CRIM1: variants seen among roughly 807,000 people sequenced by gnomAD.
CRIM1 encodes the protein cysteine rich transmembrane BMP regulator 1.
CRIM1 carries 32 observed loss-of-function variants against 116.4 expected under a neutral mutation model. That is an observed-to-expected ratio of 0.27 (90% confidence interval 0.21 to 0.37). The LOEUF (loss-of-function observed/expected upper bound fraction) is 0.37, where lower values mean the gene tolerates loss of function less well. Ranked by LOEUF, CRIM1 falls within the 10% of genes least tolerant of loss-of-function variation. The pLI is 1.00. For missense variants in CRIM1, 1,331 were observed against 1,354.8 expected (o/e 0.98, Z 0.28); for synonymous variants, 590 against 509.2 (o/e 1.16, Z -2.13).
At chr2:36,386,200 G>C (rs887238492) in intron 1 of CRIM1, among the ~76,000 whole-genome samples, 5 of 152,140 alleles carry the variant, frequency 3.3e-5, no homozygotes, top group African/African-American at 1.2e-4. Context: ...ATGTCCTCAA[G>C]TCACATTCTG....
rs1045525827 is a variant in CRIM1, at chr2:36,432,693, G to A, written c.506-8565G>A. ...ATCCGATTTCCTAAGAATTAAAGCA[G>A]CTTTAAATCTCCTGGGAGTGTAGAG... On this transcript the variant is annotated intron_variant, in intron 2 of 16. Transcript: ENST00000280527. Among the ~76,000 whole-genome samples, 10 of 152,046 alleles carry A rather than the reference G, an allele frequency of 6.6e-5. No homozygotes were observed. In the East Asian group the frequency reaches 1.2e-3, roughly 18 times the overall value.
intron 13 of CRIM1, among the ~76,000 whole-genome samples, chr2:36,530,166 C>G (rs1666017462): frequency 6.6e-6 from 1 of 152,140 alleles, no homozygotes; most frequent in Non-Finnish European, 1.5e-5. Context: ...TATTAGATCT[C>G]TGCCTCATTG....
Position 36,549,749 on chromosome 2 carries a change from A to C in CRIM1, c.*1048A>C, listed in dbSNP as rs557866735. 1 of 152,508 alleles carries C rather than the reference A, an allele frequency of 6.6e-6. No individual in the cohort carries two copies. Among genetic ancestry groups the C allele is most frequent in the Admixed American group, 6.5e-5 (1 of 15,268 alleles). The allele number at this position is 152,508 out of a possible 1,614,324, so 9.4% of individuals were successfully genotyped here. A position where few individuals can be genotyped will look rare whatever the true frequency, so the allele number is the denominator to read the frequency against. On this transcript the variant is annotated 3_prime_UTR_variant, in exon 17 of 17. Transcript: ENST00000280527. Reference sequence around the variant, plus strand: ...CCTTTGTTGAAGCTCAAAAAAAATGATGCCTCTTTAAACTTTAGCAATTAT... The same window carrying C: ...CCTTTGTTGAAGCTCAAAAAAAATGCTGCCTCTTTAAACTTTAGCAATTAT...
chr2:36,541,553 C>T (rs1310865777), intron 14 of CRIM1, among the ~76,000 whole-genome samples: 1 of 152,152 alleles, frequency 6.6e-6, no homozygotes, highest in Non-Finnish European at 1.5e-5. Flanking sequence ...AAATGCTGAC[C>T]TCAGCTTGTA....
intron 7 of CRIM1, among the ~76,000 whole-genome samples, chr2:36,490,366 C>T (rs192037494): frequency 1.2e-4 from 18 of 152,204 alleles, no homozygotes; most frequent in South Asian, 1.0e-3. Flanking sequence ...CCAGAGAGGT[C>T]CATCATAACA....
chr2:36,520,516 C>G (rs1665313927), intron 12 of CRIM1, among the ~76,000 whole-genome samples: 2 of 152,224 alleles, frequency 1.3e-5, no homozygotes, highest in South Asian at 4.1e-4. Flanking sequence ...ATCTTACTAT[C>G]TCTAACCTAT....
At position 36,522,109 on chromosome 2, in the gene CRIM1, T is replaced by G; in HGVS notation, c.2224T>G (p.Ser742Ala). 6.2e-7 allele frequency: 1 copy of G among 1,614,162 alleles called. No individual in the cohort carries two copies. The highest frequency in any genetic ancestry group is 8.5e-7 in the Non-Finnish European group (1 of 1,179,998). Reference protein sequence around the residue: ...PQCTDQPFRPSLSRNNSVPNY... With the variant: ...PQCTDQPFRPALSRNNSVPNY... ...TTTTCCAGATCAACCTTTTCGGCCT[T>G]CCTTGTCCCGCAATAACAGCGTACC... The change falls in exon 13 of 17, where the codon TCC becomes GCC. Residue 742 changes from serine (S) to alanine (A), a missense_variant. Physicochemically the swap from Ser to Ala is moderately conservative, Grantham distance 99 (BLOSUM62 1). This residue lies in a region of CRIM1 where 358 missense variants were observed against 436.1 expected (regional missense o/e 0.82). Transcript: ENST00000280527.
chr2:36,395,151 A>T (rs1191296281), intron 1 of CRIM1, among the ~76,000 whole-genome samples: 1 of 151,724 alleles, frequency 6.6e-6, no homozygotes, highest in African/African-American at 2.4e-5. Flanking sequence ...AGTAACTGGG[A>T]CCACAGGCAT....
At position 36,522,311 on chromosome 2, in the gene CRIM1, T is replaced by G. The variant is rs914410630; in HGVS notation, c.2426T>G (p.Ile809Arg). 4.3e-6 allele frequency: 7 copies of G among 1,611,400 alleles called. No homozygotes were observed. The highest frequency in any genetic ancestry group is 5.9e-6 in the Non-Finnish European group (7 of 1,177,566). Residue 809 changes from isoleucine (I) to arginine (R), a missense_variant and splice_region_variant, in exon 13 of 17, where the codon ATA (isoleucine) becomes AGA (arginine). Ile to Arg is a moderately conservative substitution (Grantham distance 97). This residue lies in a region of CRIM1 where 358 missense variants were observed against 436.1 expected (regional missense o/e 0.82). Transcript: ENST00000280527. ...AAAGGCCAGTGTTGTCCCTACTGCA[T>G]AGGTAAGACCAAGGAAAAAAAAATC... is the stretch of plus-strand genomic sequence containing the variant. ...LRKGQCCPYC[I>R]EDTIPKKVVC... is the part of the protein sequence containing the mutation.
At chr2:36,483,167 T>C (rs1679549715) in intron 7 of CRIM1, among the ~76,000 whole-genome samples, 1 of 152,226 alleles carries the variant, frequency 6.6e-6, no homozygotes, top group African/African-American at 2.4e-5. Context: ...TCTACATCTC[T>C]TGTTTATCGA....
chr2:36,507,443 ATGT>A (rs1268827035), intron 8 of CRIM1, among the ~76,000 whole-genome samples: 1 of 152,204 alleles, frequency 6.6e-6, no homozygotes, highest in Non-Finnish European at 1.5e-5. Context: ...TAGTTAGCAA[ATGT>A]TGTTGAATAC....
chr2:36,497,716 A>G (rs183111305), intron 7 of CRIM1, among the ~76,000 whole-genome samples: 4 of 152,358 alleles, frequency 2.6e-5, no homozygotes, highest in African/African-American at 7.2e-5. Context: ...CACTTGATAC[A>G]TATTTTTACT....
intron 2 of CRIM1, among the ~76,000 whole-genome samples, chr2:36,402,249 T>A (rs1345898253): frequency 6.6e-6 from 1 of 152,148 alleles, no homozygotes; most frequent in East Asian, 1.9e-4. Context: ...ATTGCTGTAT[T>A]CAGGGACCTC....
intron 2 of CRIM1, among the ~76,000 whole-genome samples, chr2:36,429,344 A>T (rs192064066): frequency 1.3e-4 from 20 of 152,314 alleles, no homozygotes; most frequent in Admixed American, 7.8e-4. Context: ...CACAGTGTTC[A>T]CTTTGGAAGC....
At chr2:36,495,188 A>C (rs1232180745) in intron 7 of CRIM1, among the ~76,000 whole-genome samples, 1 of 152,158 alleles carries the variant, frequency 6.6e-6, no homozygotes, top group Non-Finnish European at 1.5e-5. Context: ...GGGGATCACC[A>C]TCATCCTAGA....
chr2:36,539,535 C>A (rs1453240966), intron 14 of CRIM1, among the ~76,000 whole-genome samples: 2 of 152,148 alleles, frequency 1.3e-5, no homozygotes, highest in African/African-American at 4.8e-5. Context: ...AATGGGATTT[C>A]TCTGGTGCTG....
intron 9 of CRIM1, 83 bp downstream of exon 9, chr2:36,510,222 T>C: frequency 7.4e-7 from 1 of 1,354,610 alleles, no homozygotes; most frequent in East Asian, 2.3e-5. Flanking sequence ...ATATGTTGTT[T>C]GTGAATTAAT....
chr2:36,461,802 A>G (rs1419317353), intron 4 of CRIM1, among the ~76,000 whole-genome samples: 1 of 152,240 alleles, frequency 6.6e-6, no homozygotes, highest in Non-Finnish European at 1.5e-5. Context: ...TATGTTGAAA[A>G]TAAGGAATTG....
chr2:36,470,134 T>G (rs1558338838), intron 5 of CRIM1, among the ~76,000 whole-genome samples: 1 of 152,198 alleles, frequency 6.6e-6, no homozygotes, highest in Admixed American at 6.5e-5. Flanking sequence ...AACTTAAGGA[T>G]TTAAAAACAC....
Sources: gnomAD v4.1 joint callset for allele counts (sites outside exome capture counted in the v4.1 genomes callset) on GRCh38, gnomAD v4.1.1 for gene constraint, gnomAD v4.1.1 regional missense constraint, MANE v1.5 for transcripts, NCBI Gene and HGNC (gene_info 2026-07-23, HGNC 2026-07-21) for gene names.